Variants in ZRANB3 observed in about 807,000 individuals in gnomAD.
The protein encoded by ZRANB3 is zinc finger RANBP2-type containing 3, also known as DNA annealing helicase and endonuclease ZRANB3.
ZRANB3 carries 125 observed loss-of-function variants against 133.8 expected under a neutral mutation model. The ratio of observed to expected loss-of-function variants is 0.93; its 90% CI spans 0.81 to 1.08. ZRANB3 has a LOEUF of 1.08. Among genes scored for constraint, ZRANB3 ranks in the 50% least tolerant of loss-of-function variants. The probability of loss-of-function intolerance (pLI) is 0.00; values close to 1 mark genes in which losing one functional copy is unlikely to be tolerated. For synonymous variants in ZRANB3, 387 were observed against 432.7 expected, an observed-to-expected ratio of 0.89 and a Z score of 1.31; for missense variants, 1,229 against 1,275.5, an observed-to-expected ratio of 0.96 and a Z score of 0.56.
At chr2:135,231,462 A>C (rs1161640907) in intron 12 of ZRANB3, among the ~76,000 whole-genome samples, 1 of 152,208 alleles carries the variant, frequency 6.6e-6, no homozygotes, top group Non-Finnish European at 1.5e-5. Flanking sequence ...TTTCTTGACC[A>C]GGAAGCTGTT....
At chr2:135,414,109 A>G (rs1360892491) in intron 2 of ZRANB3, among the ~76,000 whole-genome samples, 1 of 152,102 alleles carries the variant, frequency 6.6e-6, no homozygotes, top group Non-Finnish European at 1.5e-5. Context: ...AACAATATTA[A>G]CCTTACATGT....
At chr2:135,461,816 T>C (rs1690778909) in intron 2 of ZRANB3, among the ~76,000 whole-genome samples, 1 of 152,192 alleles carries the variant, frequency 6.6e-6, no homozygotes, top group Non-Finnish European at 1.5e-5. Flanking sequence ...ATTCATTGAA[T>C]CTAGTTTCTT....
intron 2 of ZRANB3, among the ~76,000 whole-genome samples, chr2:135,435,508 C>T (rs1689494336): frequency 6.6e-6 from 1 of 152,158 alleles, no homozygotes; most frequent in Non-Finnish European, 1.5e-5. Flanking sequence ...GGTATATACC[C>T]AGTAATGGGA....
chr2:135,352,944 G>A (rs572281699), intron 4 of ZRANB3, among the ~76,000 whole-genome samples: 2 of 152,132 alleles, frequency 1.3e-5, no homozygotes, highest in African/African-American at 4.8e-5. Flanking sequence ...TAGAGTGAGA[G>A]CTTCAAATAA....
chr2:135,465,913 A>G (rs1690967700), intron 2 of ZRANB3, among the ~76,000 whole-genome samples: 1 of 152,218 alleles, frequency 6.6e-6, no homozygotes, highest in African/African-American at 2.4e-5. Context: ...CAAACACATG[A>G]AAAAAAGCTC....
intron 17 of ZRANB3, among the ~76,000 whole-genome samples, chr2:135,214,265 A>G (rs1694217893): frequency 6.6e-6 from 1 of 152,134 alleles, no homozygotes; most frequent in Non-Finnish European, 1.5e-5. Flanking sequence ...AATGTAACTT[A>G]TCTCCCCACT....
chr2:135,445,875 C>CA lies in ZRANB3; in HGVS notation c.162-55056dup, dbSNP rs60336414. Among the ~76,000 whole-genome samples the CA allele has an allele frequency of 8.7e-3, 829 of 95,554 alleles. 26 individuals carry two copies. In the East Asian group the frequency reaches 0.1, roughly 12 times the overall value. 62.7% of individuals were successfully genotyped at this position (95,554 alleles called of 152,430 possible). On this transcript the variant is annotated intron_variant, in intron 2 of 20. Coordinates refer to ENST00000264159, the MANE Select transcript of ZRANB3 (RefSeq NM_032143.4). ...TGGGTGACAGAGCAAGACTCCATCT[C>CA]AAAAAAAAAAAAAAAAGAAAAGAAA...
intron 2 of ZRANB3, among the ~76,000 whole-genome samples, chr2:135,456,191 T>C (rs1002803284): frequency 1.3e-5 from 2 of 152,222 alleles, no homozygotes; most frequent in African/African-American, 4.8e-5. Context: ...GAAAAAGGAA[T>C]TTATTTCCTA....
At chr2:135,293,855 A>G (rs1371819186) in intron 8 of ZRANB3, among the ~76,000 whole-genome samples, 1 of 150,488 alleles carries the variant, frequency 6.6e-6, no homozygotes, top group African/African-American at 2.5e-5. Context: ...TGAGATAATC[A>G]TGTGGTTTTT....
chr2:135,271,636 G>T, intron 10 of ZRANB3, 132 bp downstream of exon 10: 3 of 1,080,264 alleles, frequency 2.8e-6, no homozygotes, highest in South Asian at 3.5e-5. Context: ...ACTCTCTGAA[G>T]AAGAATTACT....
At position 135,504,504 on chromosome 2, in the gene ZRANB3, C is replaced by G. The variant is rs1407935865; in HGVS notation, c.-7-8G>C. On this transcript the variant is annotated splice_region_variant and splice_polypyrimidine_tract_variant and intron_variant, in intron 1 of 20. Coordinates refer to ENST00000264159, the MANE Select transcript of ZRANB3 (RefSeq NM_032143.4). ...ACCCTAGGCATGATGATCCTAAAAA[C>G]AAAGAAACAACAAAAAAGGGAGGGG... is the stretch of plus-strand genomic sequence containing the variant. 1 of 1,594,620 alleles carries G rather than the reference C, an allele frequency of 6.3e-7. No individual in the cohort carries two copies. Among genetic ancestry groups the G allele is most frequent in the Non-Finnish European group, 8.5e-7 (1 of 1,172,726 alleles).
At chr2:135,495,169 A>T (rs1276348256) in intron 2 of ZRANB3, among the ~76,000 whole-genome samples, 2 of 152,320 alleles carry the variant, frequency 1.3e-5, no homozygotes, top group African/African-American at 4.8e-5. Context: ...ACGAGGTTAC[A>T]GTGAGCTATG....
At chr2:135,450,349 T>G (rs776501978) in intron 2 of ZRANB3, among the ~76,000 whole-genome samples, 7 of 151,016 alleles carry the variant, frequency 4.6e-5, no homozygotes, top group Admixed American at 6.6e-5. Context: ...ACAGGCAATA[T>G]TTGAAGCACT....
At chr2:135,407,030 T>C (rs1558977574) in intron 2 of ZRANB3, among the ~76,000 whole-genome samples, 1 of 152,172 alleles carries the variant, frequency 6.6e-6, no homozygotes, top group African/African-American at 2.4e-5. Context: ...GGAAGTCAAA[T>C]TGTCCCTGTT....
intron 1 of ZRANB3, among the ~76,000 whole-genome samples, chr2:135,519,478 AAAGAT>A (rs1223763168): frequency 3.3e-5 from 5 of 152,192 alleles, no homozygotes; most frequent in African/African-American, 1.2e-4. Flanking sequence ...CAAGACTCAG[AAAGAT>A]AAAACTCCAA....
At chr2:135,367,755 T>C (rs927014209) in intron 3 of ZRANB3, among the ~76,000 whole-genome samples, 6 of 152,112 alleles carry the variant, frequency 3.9e-5, no homozygotes, top group Non-Finnish European at 7.4e-5. Context: ...ATCTCCAGGG[T>C]AGTACTATGA....
chr2:135,367,352 G>A (rs549573013), intron 3 of ZRANB3, among the ~76,000 whole-genome samples: 15 of 152,272 alleles, frequency 9.9e-5, no homozygotes, highest in African/African-American at 2.9e-4. Context: ...GACTGGAGGC[G>A]GGGACTGCTC....
At chr2:135,420,157 A>C (rs1688780739) in intron 2 of ZRANB3, among the ~76,000 whole-genome samples, 1 of 146,952 alleles carries the variant, frequency 6.8e-6, no homozygotes, top group Non-Finnish European at 1.5e-5. Flanking sequence ...AAGGCTACAC[A>C]ACAAATTAGT....
intron 4 of ZRANB3, among the ~76,000 whole-genome samples, chr2:135,352,923 A>AT (rs1163467862): frequency 3.3e-5 from 5 of 152,184 alleles, no homozygotes; most frequent in Admixed American, 2.0e-4. Context: ...TACTAACACT[A>AT]TAACAGATTT....
Sources: gnomAD v4.1 joint callset for allele counts (sites outside exome capture counted in the v4.1 genomes callset) on GRCh38, gnomAD v4.1.1 for gene constraint, MANE v1.5 for transcripts, NCBI Gene and HGNC (gene_info 2026-07-23, HGNC 2026-07-21) for gene names.